The following PTK2 variants were observed in gnomAD, a reference collection of about 807,000 sequenced individuals.
PTK2 encodes protein tyrosine kinase 2, also known as focal adhesion kinase 1.
PTK2 carries 45 observed loss-of-function variants against 150.1 expected under a neutral mutation model. That is an observed-to-expected ratio of 0.30 (90% CI 0.24 to 0.38). PTK2 has a LOEUF of 0.38. Among genes scored for constraint, PTK2 ranks in the 10% least tolerant of loss-of-function variants. PTK2 has a pLI of 1.00. For missense variants in PTK2, 919 were observed against 1,307.3 expected (o/e 0.70, Z 4.58); for synonymous variants, 432 against 449.2 (o/e 0.96, Z 0.48).
intron 1 of PTK2, among the ~76,000 whole-genome samples, chr8:140,939,145 G>T (rs1256610410): frequency 6.6e-6 from 1 of 152,118 alleles, no homozygotes; most frequent in Non-Finnish European, 1.5e-5. Flanking sequence ...CAATCTTCCA[G>T]ATGCATACAC....
chr8:140,682,447 T>C (rs2100017601), intron 27 of PTK2, among the ~76,000 whole-genome samples: 1 of 152,194 alleles, frequency 6.6e-6, no homozygotes, highest in Non-Finnish European at 1.5e-5. Flanking sequence ...TATGTGTATA[T>C]ATTTCTTCAC....
chr8:140,962,257 AAGGGAAGAAGGG>A (rs1265787189), intron 1 of PTK2, among the ~76,000 whole-genome samples: 3 of 123,672 alleles, frequency 2.4e-5, no homozygotes, highest in African/African-American at 5.5e-5. Context: ...GGAAGGGAGG[AAGGGAAGAAGGG>A]AGGGAGGAAG....
chr8:140,672,259 G>A, intron 29 of PTK2: 1 of 372,392 alleles, frequency 2.7e-6, no homozygotes, highest in Non-Finnish European at 5.3e-6. Flanking sequence ...AAACTTCTGG[G>A]CTGAAGTGAT....
At chr8:140,739,215 C>A (rs1593027318) in intron 20 of PTK2, 108 bp from the exon 24 acceptor site, 1 of 619,590 alleles carries the variant, frequency 1.6e-6, no homozygotes, top group East Asian at 3.2e-5. Context: ...ACTATTTGAA[C>A]CCTTGAGGCT....
At chr8:140,933,766 G>A (rs1284186414) in intron 1 of PTK2, among the ~76,000 whole-genome samples, 1 of 152,136 alleles carries the variant, frequency 6.6e-6, no homozygotes, top group East Asian at 1.9e-4. Flanking sequence ...CTCCTGGTGG[G>A]TATGGGGTTT....
intron 8 of PTK2, among the ~76,000 whole-genome samples, chr8:140,829,396 G>T (rs1041376049): frequency 2.0e-5 from 3 of 152,212 alleles, no homozygotes; most frequent in African/African-American, 7.2e-5. Context: ...TTTTGTCACA[G>T]ATTGCATCTG....
chr8:140,683,314 T>C (rs1048236871), intron 27 of PTK2, among the ~76,000 whole-genome samples: 1 of 152,096 alleles, frequency 6.6e-6, no homozygotes, highest in African/African-American at 2.4e-5. Flanking sequence ...AGAAAGCGAA[T>C]CCCTGAACAG....
In PTK2 at chr8:140,957,293, T is replaced by C. The variant is rs535760637; in HGVS notation, c.-121-31544A>G. Among the ~76,000 whole-genome samples the C allele has an allele frequency of 1.4e-3, 215 of 152,160 alleles. 1 individual carries two copies. Among genetic ancestry groups the C allele is most frequent in the African/African-American group, 5.1e-3 (210 of 41,478 alleles). On this transcript the variant is annotated intron_variant, in intron 1 of 31. Transcript: ENST00000522684. The stretch of plus-strand genomic sequence containing the variant: ...TACAGAAAAAATTAGCTGGGCATGG[T>C]GGCACACGCATGTAGTCTCAGCTAC...
chr8:140,695,007 C>A (rs7839119), intron 26 of PTK2, among the ~76,000 whole-genome samples: 33,415 of 152,098 alleles, frequency 0.22, 3,681 homozygotes, highest in Middle Eastern at 0.34. Context: ...TAAAAATCTG[C>A]ATCTCCAGCG....
intron 1 of PTK2, among the ~76,000 whole-genome samples, chr8:140,971,464 G>A (rs1027330536): frequency 1.3e-5 from 2 of 152,150 alleles, no homozygotes; most frequent in African/African-American, 4.8e-5. Context: ...ATGGACAGTG[G>A]TAGGTTTTAT....
chr8:140,782,243 GTTTTTT>G (rs1240768281), intron 14 of PTK2, among the ~76,000 whole-genome samples: 25 of 97,570 alleles, frequency 2.6e-4, no homozygotes, highest in Non-Finnish European at 1.3e-4. Context: ...AAATTTGGTT[GTTTTTT>G]TTTTTGGGGG....
At chr8:140,885,409 T>C (rs1487332777) in intron 3 of PTK2, among the ~76,000 whole-genome samples, 1 of 152,180 alleles carries the variant, frequency 6.6e-6, no homozygotes, top group African/African-American at 2.4e-5. Context: ...TTGGCAATAA[T>C]ACCATGAAGT....
intron 14 of PTK2, chr8:140,764,902 G>A (rs2100071503): frequency 6.6e-6 from 1 of 152,250 alleles, no homozygotes; most frequent in South Asian, 2.1e-4. Flanking sequence ...AAGAAAAAAA[G>A]GAGAATAAGC....
At chr8:140,729,233 C>A (rs927365925) in intron 22 of PTK2, among the ~76,000 whole-genome samples, 2 of 152,128 alleles carry the variant, frequency 1.3e-5, no homozygotes, top group African/African-American at 4.8e-5. Context: ...ACCAAAAAAA[C>A]ACGCACGCAC....
chr8:140,898,655 C>T (rs1452124786), intron 2 of PTK2, among the ~76,000 whole-genome samples: 1 of 151,880 alleles, frequency 6.6e-6, no homozygotes, highest in East Asian at 1.9e-4. Flanking sequence ...GCAGCACATA[C>T]AAAAAAGGGA....
intron 16 of PTK2, among the ~76,000 whole-genome samples, chr8:140,757,724 CCTG>C (rs2100066694): frequency 6.6e-6 from 1 of 152,160 alleles, no homozygotes; most frequent in Non-Finnish European, 1.5e-5. Context: ...TCTCTGTTCA[CCTG>C]CTACTATTCT....
At position 140,997,251 on chromosome 8, in the gene PTK2, A is replaced by G. The variant is rs184327553; in HGVS notation, c.-122+3874T>C. ...AAGGAGTTCCTTCTTAGGGATGAGC[A>G]AAGAAAGTGGTTTCCTGAAATGGAA... On this transcript the variant is annotated intron_variant, in intron 1 of 31. Coordinates refer to ENST00000522684, the Ensembl canonical transcript of PTK2. Among the ~76,000 whole-genome samples, 16 of 152,374 alleles carry G rather than the reference A, an allele frequency of 1.1e-4. No homozygotes were observed. The East Asian group carries it at 3.1e-3, about 29-fold the overall frequency.
intron 3 of PTK2, among the ~76,000 whole-genome samples, chr8:140,883,643 A>G (rs1435841243): frequency 1.3e-5 from 2 of 152,210 alleles, no homozygotes; most frequent in Non-Finnish European, 2.9e-5. Context: ...TATCAAAAAG[A>G]AAGATCCAGA....
At chr8:140,673,064 A>AT (rs1456507585) in intron 29 of PTK2, among the ~76,000 whole-genome samples, 2 of 151,188 alleles carry the variant, frequency 1.3e-5, no homozygotes, top group Non-Finnish European at 2.9e-5. Flanking sequence ...CTGATATGAC[A>AT]TTTTTCGGAT....
Sources: allele counts gnomAD v4.1 joint callset (sites outside exome capture counted in the v4.1 genomes callset), GRCh38; gene constraint gnomAD v4.1.1; transcripts MANE v1.5; gene names NCBI Gene and HGNC (gene_info 2026-07-23, HGNC 2026-07-21).